RBM25: variants seen among roughly 807,000 people sequenced by gnomAD.
RBM25 encodes the protein RNA-binding protein 25.
A neutral mutation model predicts 120.7 loss-of-function variants in RBM25; 19 were observed. The ratio of observed to expected loss-of-function variants is 0.16; its 90% CI spans 0.11 to 0.23. The LOEUF (loss-of-function observed/expected upper bound fraction) is 0.23, where lower values mean the gene tolerates loss of function less well. RBM25 is among the 10% of genes least tolerant of loss of function. RBM25 has a pLI of 1.00. For missense variants in RBM25, 605 were observed against 1,041.5 expected (o/e 0.58, Z 5.77); for synonymous variants, 390 against 326.7 (o/e 1.19, Z -2.09).
In RBM25 at chr14:73,121,898, A is replaced by T. The variant is rs1358727195; in HGVS notation, c.*2093A>T. 1 of 151,694 alleles carries T rather than the reference A, an allele frequency of 6.6e-6. No individual in the cohort carries two copies. The highest frequency in any genetic ancestry group is 1.5e-5 in the Non-Finnish European group (1 of 67,662). 9.4% of individuals were successfully genotyped at this position (151,694 alleles called of 1,614,324 possible). A position where few individuals can be genotyped will look rare whatever the true frequency, so the allele number is the denominator to read the frequency against. ...TTGTGACAGGACCTCAACTAAATAT[A>T]TGAATTTGTGCAAGTTCATATATTA... On this transcript the variant is annotated 3_prime_UTR_variant, in exon 19 of 19. Coordinates refer to ENST00000261973, the MANE Select transcript of RBM25 (RefSeq NM_021239.3).
chr14:73,083,370 A>C, intron 4 of RBM25, 124 bp from the exon 5 acceptor site: 2 of 698,342 alleles, frequency 2.9e-6, no homozygotes, highest in South Asian at 4.6e-5. Flanking sequence ...ATTTTCGCAA[A>C]TGTAGTTGCT....
At chr14:73,113,136 C>T (rs888657524) in intron 17 of RBM25, among the ~76,000 whole-genome samples, 6 of 152,102 alleles carry the variant, frequency 3.9e-5, no homozygotes, top group African/African-American at 1.4e-4. Context: ...TCCCCTAGCT[C>T]CCCACCCGCC....
At chr14:73,080,523 C>G (rs1895535928) in intron 4 of RBM25, among the ~76,000 whole-genome samples, 1 of 151,890 alleles carries the variant, frequency 6.6e-6, no homozygotes, top group Non-Finnish European at 1.5e-5. Context: ...GCGCCCGGCC[C>G]TCTTACACAT....
At position 73,115,339 on chromosome 14, in the gene RBM25, C is replaced by T. The variant is rs143160873; in HGVS notation, c.2439+1006C>T. Among the ~76,000 whole-genome samples the T allele has an allele frequency of 4.6e-3, 707 of 152,278 alleles. 11 individuals are homozygous for T. Among genetic ancestry groups the T allele is most frequent in the African/African-American group, 0.016 (673 of 41,550 alleles). Reference sequence around the variant, plus strand: ...CTCCCTCCTCCCACCCTCTGCCCTACGATAGGCCCCATTGTGTGTTGTTCC... The same window carrying T: ...CTCCCTCCTCCCACCCTCTGCCCTATGATAGGCCCCATTGTGTGTTGTTCC... On this transcript the variant is annotated intron_variant, in intron 18 of 18. Transcript: ENST00000261973.
At chr14:73,104,556 C>T (rs964111348) in intron 10 of RBM25, among the ~76,000 whole-genome samples, 1 of 151,662 alleles carries the variant, frequency 6.6e-6, no homozygotes, top group African/African-American at 2.4e-5. Context: ...TTTGTAGAGT[C>T]TAGGTTTTGC....
rs1446269199 is a variant in RBM25, at chr14:73,106,005, A to G, written c.1301A>G (p.Glu434Gly). ...GAAAAAGACAAAAAACGGGACCGAG[A>G]AGAAGATGAAGAAGATGCATACGAA... is the stretch of plus-strand genomic sequence containing the variant. ...EREKDKKRDREEDEEDAYERR... is the reference protein window; with the variant it reads ...EREKDKKRDRGEDEEDAYERR... The change falls in exon 11 of 19, where the codon GAA becomes GGA. Residue 434 changes from glutamate (E) to glycine (G), a missense_variant. Around this residue, in one of 4 missense-constraint regions of RBM25, gnomAD observed 465 missense variants for 741.6 expected, o/e 0.63. Transcript: ENST00000261973. The G allele has an allele frequency of 6.2e-7, 1 of 1,613,890 alleles. No homozygotes were observed. The highest frequency in any genetic ancestry group is 1.7e-5 in the Admixed American group (1 of 59,962).
At chr14:73,074,262 A>C (rs1384840255) in intron 2 of RBM25, among the ~76,000 whole-genome samples, 2 of 152,120 alleles carry the variant, frequency 1.3e-5, no homozygotes, top group South Asian at 2.1e-4. Context: ...TTTGTCTCCC[A>C]GGCTGGGGGT....
At chr14:73,097,619 G>A (rs561586056) in intron 7 of RBM25, among the ~76,000 whole-genome samples, 1 of 152,282 alleles carries the variant, frequency 6.6e-6, no homozygotes, top group East Asian at 1.9e-4. Flanking sequence ...ACAGTCATGA[G>A]CCACTGCGCC....
intron 9 of RBM25, chr14:73,100,108 T>C (rs1292805799): frequency 1.5e-5 from 7 of 470,546 alleles, no homozygotes; most frequent in Non-Finnish European, 1.5e-5. Flanking sequence ...GTTATTTAAC[T>C]TGATCTTAGG....
In RBM25 at chr14:73,088,054, T is replaced by C. The variant is rs373987738; in HGVS notation, c.436T>C (p.Leu146=). 1.9e-6 allele frequency: 3 copies of C among 1,614,086 alleles called. No homozygotes were observed. In the African/African-American group the frequency reaches 4.0e-5, roughly 22 times the overall value. The change falls in exon 6 of 19, where the codon TTA becomes CTA. Residue 146 remains leucine (L), a synonymous_variant. Transcript: ENST00000261973. The part of the protein sequence containing the change: ...EPESTLRALR[L]LHDLQIGEKK... ...AGAATCTACCCTCCGTGCACTCAGA[T>C]TATTACATGACCTGCAAATTGGAGA...
rs372968008 is a variant in RBM25, at chr14:73,087,943, AT to A, written c.383-50del. 7,100 of 1,543,494 alleles carry A rather than the reference AT, an allele frequency of 4.6e-3. 242 individuals carry two copies. The African/African-American group carries it at 0.076, about 17-fold the overall frequency. On this transcript the variant is annotated intron_variant, in intron 5 of 18. Transcript: ENST00000261973. ...ACTCTAGTGATTCTACTTTTCCATA[AT>A]TTTTTTTCTTTTGTAAGTGAATTGG...
intron 4 of RBM25, 86 bp downstream of exon 4, chr14:73,077,622 G>T: frequency 8.0e-7 from 1 of 1,257,180 alleles, no homozygotes; most frequent in Non-Finnish European, 1.1e-6. Flanking sequence ...TTCAGTGATT[G>T]CTTTTTATTT....
intron 5 of RBM25, among the ~76,000 whole-genome samples, chr14:73,087,312 T>G (rs544941014): frequency 6.7e-5 from 10 of 149,934 alleles, no homozygotes; most frequent in African/African-American, 1.9e-4. Flanking sequence ...GAAAAGTGCA[T>G]TGTTTGTGTT....
chr14:73,101,530 A>G (rs902087114), intron 9 of RBM25: 2 of 150,942 alleles, frequency 1.3e-5, no homozygotes, highest in East Asian at 1.9e-4. Context: ...ATATATATAT[A>G]TATCTCATAT....
intron 18 of RBM25, among the ~76,000 whole-genome samples, chr14:73,119,364 C>T (rs1184889535): frequency 6.6e-6 from 1 of 152,044 alleles, no homozygotes; most frequent in African/African-American, 2.4e-5. Context: ...CTCCTGGGTT[C>T]ACGTCATTCT....
At chr14:73,099,915 T>A in intron 9 of RBM25, 165 bp downstream of exon 9, 1 of 1,104,252 alleles carries the variant, frequency 9.1e-7, no homozygotes, top group Non-Finnish European at 1.2e-6. Context: ...AATACCATAT[T>A]AAAGTGGTCC....
intron 6 of RBM25, among the ~76,000 whole-genome samples, chr14:73,096,008 C>G (rs554854262): frequency 6.6e-6 from 1 of 152,092 alleles, no homozygotes; most frequent in East Asian, 1.9e-4. Flanking sequence ...GATGGAGTTT[C>G]GCTCTTTTGC....
intron 1 of RBM25, among the ~76,000 whole-genome samples, chr14:73,066,304 TTAAAACATTTC>T (rs1342626466): frequency 6.6e-6 from 1 of 152,180 alleles, no homozygotes; most frequent in Non-Finnish European, 1.5e-5. Context: ...TACCTACTGT[TTAAAACATTTC>T]TAATACCTCA....
chr14:73,115,342 T>C (rs765388638), intron 18 of RBM25, among the ~76,000 whole-genome samples: 64 of 152,188 alleles, frequency 4.2e-4, no homozygotes, highest in Non-Finnish European at 8.7e-4. Flanking sequence ...TGCCCTACGA[T>C]AGGCCCCATT....
Sources: gnomAD v4.1 joint callset for allele counts (sites outside exome capture counted in the v4.1 genomes callset) on GRCh38, gnomAD v4.1.1 for gene constraint, gnomAD v4.1.1 regional missense constraint, MANE v1.5 for transcripts, NCBI Gene and HGNC (gene_info 2026-07-23, HGNC 2026-07-21) for gene names.